CENPC: variants seen among roughly 807,000 people sequenced by gnomAD.
The protein encoded by CENPC is CENP-C 1.
A neutral mutation model predicts 112.1 loss-of-function variants in CENPC; 63 were observed. The ratio of observed to expected loss-of-function variants is 0.56; its 90% confidence interval spans 0.46 to 0.69. The LOEUF (loss-of-function observed/expected upper bound fraction) is 0.69, where lower values mean the gene tolerates loss of function less well. Among genes scored for constraint, CENPC ranks in the 30% least tolerant of loss-of-function variants. CENPC has a pLI of 0.00. For synonymous variants in CENPC, 333 were observed against 367.6 expected, an observed-to-expected ratio of 0.91 and a Z score of 1.08; for missense variants, 1,000 against 1,103.8, an observed-to-expected ratio of 0.91 and a Z score of 1.33.
At chr4:67,540,482 A>C (rs1213877226) in intron 3 of CENPC, among the ~76,000 whole-genome samples, 1 of 152,150 alleles carries the variant, frequency 6.6e-6, no homozygotes, top group Non-Finnish European at 1.5e-5. Flanking sequence ...CAGACTAGCC[A>C]ACATGGTGAA....
intron 4 of CENPC, among the ~76,000 whole-genome samples, chr4:67,537,811 G>A (rs1213197582): frequency 6.6e-6 from 1 of 151,906 alleles, no homozygotes; most frequent in African/African-American, 2.4e-5. Flanking sequence ...TAGATAGATA[G>A]AGAAATAATA....
At chr4:67,497,735 G>A (rs935185193) in intron 12 of CENPC, among the ~76,000 whole-genome samples, 2 of 152,020 alleles carry the variant, frequency 1.3e-5, no homozygotes, top group African/African-American at 4.8e-5. Flanking sequence ...TTTCTGGCAT[G>A]CTGGCCAGGC....
Position 67,472,518 on chromosome 4 carries a change from G to A in CENPC, c.*87C>T, listed in dbSNP as rs1724695019. 2.4e-6 allele frequency: 3 copies of A among 1,274,136 alleles called. No homozygotes were observed. Among genetic ancestry groups the A allele is most frequent in the South Asian group, 5.8e-5 (2 of 34,510 alleles). 78.9% of individuals were successfully genotyped at this position (1,274,136 alleles called of 1,614,324 possible). The stretch of plus-strand genomic sequence containing the variant: ...AAATTTTTATTTTAAAACATCACAA[G>A]TAATTACAAAGACAAATATTCCAAC... On this transcript the variant is annotated 3_prime_UTR_variant, in exon 19 of 19. Coordinates refer to ENST00000273853, the MANE Select transcript of CENPC (RefSeq NM_001812.4).
intron 16 of CENPC, among the ~76,000 whole-genome samples, chr4:67,491,349 C>T (rs1271015997): frequency 1.3e-5 from 2 of 149,342 alleles, no homozygotes; most frequent in Non-Finnish European, 3.0e-5. Context: ...ACCATTACCG[C>T]GTTTCTGATT....
At position 67,506,952 on chromosome 4, in the gene CENPC, G is replaced by A. The variant is rs1725752234; in HGVS notation, c.1905-18C>T. On this transcript the variant is annotated intron_variant, in intron 10 of 18. Transcript: ENST00000273853. ...TTGTAGATCTATAAAAATGATAAAT[G>A]TATGAGTGTTTATACTTCTTCAAAA... 1 of 1,580,298 alleles carries A rather than the reference G, an allele frequency of 6.3e-7. No individual in the cohort carries two copies. Among genetic ancestry groups the A allele is most frequent in the African/African-American group, 1.4e-5 (1 of 73,350 alleles).
chr4:67,505,161 CATA>C, intron 12 of CENPC, 41 bp downstream of exon 12: 1 of 1,351,616 alleles, frequency 7.4e-7, no homozygotes, highest in Non-Finnish European at 1.0e-6. Flanking sequence ...ACTCCATATT[CATA>C]ATGCCATAAA....
intron 17 of CENPC, among the ~76,000 whole-genome samples, chr4:67,482,551 T>C (rs1724983969): frequency 6.6e-6 from 1 of 152,204 alleles, no homozygotes; most frequent in Non-Finnish European, 1.5e-5. Context: ...TACCATAGAA[T>C]AGTACTCAAC....
chr4:67,507,845 A>G (rs1365958689), intron 10 of CENPC, among the ~76,000 whole-genome samples: 1 of 152,286 alleles, frequency 6.6e-6, no homozygotes, highest in Admixed American at 6.5e-5. Context: ...TTCCAGCAAC[A>G]CAATAAAATA....
rs531650443 is a variant in CENPC, at chr4:67,514,711, C to A, written c.831-24G>T. 1.1e-4 allele frequency: 176 copies of A among 1,551,396 alleles called. 1 individual carries two copies. In the African/African-American group the frequency reaches 2.2e-3, roughly 19 times the overall value. On this transcript the variant is annotated intron_variant, in intron 7 of 18. Coordinates refer to ENST00000273853, the MANE Select transcript of CENPC (RefSeq NM_001812.4). ...GACTGAAACAGGGTGATACTTTTAA[C>A]AGTTCAAAAAAATAAAGCTTTTATA...
At position 67,505,198 on chromosome 4, in the gene CENPC, A is replaced by G. The variant is rs753436526; in HGVS notation, c.2131+7T>C. 3 of 1,550,980 alleles carry G rather than the reference A, an allele frequency of 1.9e-6. No homozygotes were observed. In the Admixed American group the frequency reaches 5.8e-5, roughly 30 times the overall value. ...AAAATCAAGACAGAAAAAAAACAAT[A>G]GTTTACCTGAACTTCCATGAACTTC... On this transcript the variant is annotated splice_region_variant and intron_variant, in intron 12 of 18. Transcript: ENST00000273853.
At position 67,514,444 on chromosome 4, in the gene CENPC, C is replaced by T; in HGVS notation, c.1074G>A (p.Leu358=). ...GTTTATGGGAATGTTTGTCATTTGC[C>T]AAAGTCTTAGGTAATATATTATGAT... is the stretch of plus-strand genomic sequence containing the variant. ...EKHHNILPKT[L]ANDKHSHKPH... Residue 358 remains leucine, a synonymous_variant, in exon 8 of 19, where the codon TTG becomes TTA. Coordinates refer to ENST00000273853, the MANE Select transcript of CENPC (RefSeq NM_001812.4). 1 of 1,613,526 alleles carries T rather than the reference C, an allele frequency of 6.2e-7. No homozygotes were observed. Among genetic ancestry groups the T allele is most frequent in the Non-Finnish European group, 8.5e-7 (1 of 1,179,870 alleles).
intron 12 of CENPC, among the ~76,000 whole-genome samples, chr4:67,496,535 A>T (rs1275106624): frequency 1.3e-5 from 2 of 152,196 alleles, no homozygotes; most frequent in African/African-American, 4.8e-5. Flanking sequence ...CTTTTATCAT[A>T]TTCTCAAATG....
intron 4 of CENPC, among the ~76,000 whole-genome samples, chr4:67,534,140 G>A (rs546691853): frequency 6.6e-6 from 1 of 150,476 alleles, no homozygotes; most frequent in African/African-American, 2.4e-5. Flanking sequence ...AACTGGCTGG[G>A]CGCAGTGGCT....
At chr4:67,526,856 TA>T (rs1726394890) in intron 5 of CENPC, among the ~76,000 whole-genome samples, 1 of 152,192 alleles carries the variant, frequency 6.6e-6, no homozygotes. Flanking sequence ...ACATTTTTTT[TA>T]AATGCCCATT....
chr4:67,473,905 G>A (rs1724736252), intron 18 of CENPC, among the ~76,000 whole-genome samples: 1 of 152,106 alleles, frequency 6.6e-6, no homozygotes, highest in Non-Finnish European at 1.5e-5. Context: ...GGATTAAAAT[G>A]CCTATTTACA....
intron 4 of CENPC, among the ~76,000 whole-genome samples, chr4:67,531,642 G>A (rs1163695848): frequency 2.0e-5 from 3 of 152,172 alleles, no homozygotes; most frequent in African/African-American, 7.2e-5. Flanking sequence ...GTGAAAACAG[G>A]CTGAGTTTCA....
chr4:67,534,437 C>CCCTCCCAAA (rs1227596524), intron 4 of CENPC, among the ~76,000 whole-genome samples: 1 of 152,010 alleles, frequency 6.6e-6, no homozygotes, highest in Non-Finnish European at 1.5e-5. Flanking sequence ...ACCGAAGAGC[C>CCCTCCCAAA]CCTCCCAAAC....
rs1258020575 is a variant in CENPC at position 67,471,596 on chromosome 4, T to TA, written c.*1008dup. On this transcript the variant is annotated 3_prime_UTR_variant, in exon 19 of 19. Coordinates refer to ENST00000273853, the MANE Select transcript of CENPC (RefSeq NM_001812.4). Reference sequence around the variant, plus strand: ...AATCACAATAGAAAATTATAAAGTATAAAAAAAGAGCCATCACACTTCATT... The same window carrying TA: ...AATCACAATAGAAAATTATAAAGTATAAAAAAAAGAGCCATCACACTTCATT... 6.6e-6 allele frequency: 1 copy of TA among 151,820 alleles called. No homozygotes were observed. The highest frequency in any genetic ancestry group is 1.5e-5 in the Non-Finnish European group (1 of 67,962). 9.4% of individuals were successfully genotyped at this position (151,820 alleles called of 1,614,324 possible).
intron 9 of CENPC, among the ~76,000 whole-genome samples, chr4:67,510,261 G>A (rs1725857548): frequency 2.0e-5 from 3 of 152,078 alleles, no homozygotes; most frequent in Non-Finnish European, 4.4e-5. Flanking sequence ...CCAGATCTCT[G>A]CACAAGCTAC....
Sources: gnomAD v4.1 joint callset for allele counts (sites outside exome capture counted in the v4.1 genomes callset) on GRCh38, gnomAD v4.1.1 for gene constraint, MANE v1.5 for transcripts, NCBI Gene and HGNC (gene_info 2026-07-23, HGNC 2026-07-21) for gene names.